SLC35F4: variants seen among roughly 807,000 people sequenced by gnomAD.
SLC35F4 encodes solute carrier family 35 member F4, also known as chromosome 14 open reading frame 36.
A neutral mutation model predicts 44.2 loss-of-function variants in SLC35F4; 24 were observed. That is an observed-to-expected ratio of 0.54 (90% confidence interval 0.39 to 0.76). SLC35F4 has a LOEUF of 0.76. SLC35F4 is among the 30% of genes least tolerant of loss of function. The pLI is 0.00. For missense variants in SLC35F4, 562 were observed against 586.1 expected (o/e 0.96, Z 0.42); for synonymous variants, 238 against 223.6 (o/e 1.06, Z -0.57).
At chr14:57,695,220 A>G (rs1419876925) in intron 1 of SLC35F4, among the ~76,000 whole-genome samples, 1 of 152,226 alleles carries the variant, frequency 6.6e-6, no homozygotes, top group Non-Finnish European at 1.5e-5. Flanking sequence ...AACTATCATC[A>G]GAATCAACTG....
At chr14:57,629,842 C>T (rs1416798281) in intron 1 of SLC35F4, 7 of 332,840 alleles carry the variant, frequency 2.1e-5, no homozygotes, top group Admixed American at 7.7e-5. Context: ...GATCGGCAGC[C>T]GGAGATGCAG....
At chr14:57,886,545 C>A (rs1045080808) in intron 1 of SLC35F4, among the ~76,000 whole-genome samples, 12 of 152,110 alleles carry the variant, frequency 7.9e-5, no homozygotes, top group Admixed American at 2.6e-4. Flanking sequence ...GCAGGAAAGG[C>A]ATAGAAAGAA....
intron 1 of SLC35F4, among the ~76,000 whole-genome samples, chr14:57,617,090 C>A (rs1382810376): frequency 7.3e-5 from 11 of 150,346 alleles, no homozygotes; most frequent in South Asian, 6.3e-4. Context: ...ATAGGGAAAC[C>A]CCATATTGGA....
chr14:57,950,764 G>A (rs1053264713), intron 1 of SLC35F4, among the ~76,000 whole-genome samples: 7 of 148,322 alleles, frequency 4.7e-5, no homozygotes, highest in East Asian at 4.1e-4. Flanking sequence ...TCCCACCCAG[G>A]TTAAAGCAAT....
intron 1 of SLC35F4, among the ~76,000 whole-genome samples, chr14:57,776,745 A>G (rs1429866882): frequency 6.6e-6 from 1 of 152,072 alleles, no homozygotes; most frequent in Non-Finnish European, 1.5e-5. Context: ...TAAGACTAAC[A>G]GTGGATTTCT....
rs369944706 is a variant in SLC35F4 at position 57,866,071 on chromosome 14, C to T, written c.-246G>A. 5 of 262,258 alleles carry T rather than the reference C, an allele frequency of 1.9e-5. No homozygotes were observed. Among genetic ancestry groups the T allele is most frequent in the East Asian group, 1.5e-4 (2 of 12,912 alleles). 16.2% of individuals were successfully genotyped at this position (262,258 alleles called of 1,614,324 possible). A position where few individuals can be genotyped will look rare whatever the true frequency, so the allele number is the denominator to read the frequency against. On this transcript the variant is annotated 5_prime_UTR_variant, in exon 1 of 8. The change creates a new upstream start codon in the 5' untranslated region. Coordinates refer to ENST00000556826, the MANE Select transcript of SLC35F4 (RefSeq NM_001306087.2). ...AGCCTGGCAGCTCTCCCGCGCGCCA[C>T]CCGGAGCACTGCTGCCCGAATAGCG...
intron 1 of SLC35F4, among the ~76,000 whole-genome samples, chr14:57,836,726 C>T (rs866758580): frequency 6.6e-6 from 1 of 152,170 alleles, no homozygotes; most frequent in Middle Eastern, 3.4e-3. Flanking sequence ...CTTTGTACTC[C>T]CCTAAGCACC....
At chr14:57,762,347 T>C (rs2077144083) in intron 1 of SLC35F4, among the ~76,000 whole-genome samples, 1 of 152,120 alleles carries the variant, frequency 6.6e-6, no homozygotes, top group Non-Finnish European at 1.5e-5. Context: ...GTACAAGACT[T>C]GGACAAGAAG....
At chr14:57,842,816 A>G (rs1467952938) in intron 1 of SLC35F4, among the ~76,000 whole-genome samples, 2 of 152,186 alleles carry the variant, frequency 1.3e-5, no homozygotes, top group Non-Finnish European at 2.9e-5. Context: ...GGTGTTGCCA[A>G]AGATGATTAA....
intron 1 of SLC35F4, among the ~76,000 whole-genome samples, chr14:57,798,624 C>G (rs2078111588): frequency 6.6e-6 from 1 of 152,214 alleles, no homozygotes; most frequent in Non-Finnish European, 1.5e-5. Context: ...CACACACCTG[C>G]TGAAGAGACA....
intron 1 of SLC35F4, among the ~76,000 whole-genome samples, chr14:57,720,314 C>G (rs2076052186): frequency 6.6e-6 from 1 of 151,988 alleles, no homozygotes; most frequent in South Asian, 2.1e-4. Context: ...GTGCCTTTGT[C>G]TGATTTTGTT....
intron 1 of SLC35F4, among the ~76,000 whole-genome samples, chr14:57,907,453 C>A (rs1182922862): frequency 1.3e-5 from 2 of 152,106 alleles, no homozygotes; most frequent in African/African-American, 4.8e-5. Context: ...ACTTCAGTTG[C>A]CAGGAAAACA....
intron 1 of SLC35F4, among the ~76,000 whole-genome samples, chr14:57,646,160 C>T (rs550756122): frequency 9.2e-5 from 14 of 152,152 alleles, no homozygotes; most frequent in African/African-American, 2.9e-4. Context: ...GAAGGATTCC[C>T]TCTTTTTCTA....
chr14:57,700,471 T>G (rs1957695), intron 1 of SLC35F4, among the ~76,000 whole-genome samples: 85,833 of 152,060 alleles, frequency 0.56, 24,633 homozygotes, highest in African/African-American at 0.68. Context: ...TTTAAGCTAC[T>G]CTACATTTAT....
Position 57,600,713 on chromosome 14 carries a change from A to C in SLC35F4, c.104-6589T>G, listed in dbSNP as rs190943225. 4.9e-3 allele frequency among the ~76,000 whole-genome samples: 598 copies of C among 122,294 alleles called. 28 individuals carry two copies. The highest frequency in any genetic ancestry group is 0.024 in the Middle Eastern group (5 of 212). 80.2% of individuals were successfully genotyped at this position (122,294 alleles called of 152,430 possible). A position where few individuals can be genotyped will look rare whatever the true frequency, so the allele number is the denominator to read the frequency against. On this transcript the variant is annotated intron_variant, in intron 1 of 7. Coordinates refer to ENST00000556826, the MANE Select transcript of SLC35F4 (RefSeq NM_001306087.2). ...TCTCAAAAAAAAAAAAAAAAAAAAA[A>C]AAAAAACCAAAAAGATAAAATATCA...
intron 1 of SLC35F4, among the ~76,000 whole-genome samples, chr14:57,876,690 T>A (rs1270767596): frequency 6.6e-6 from 1 of 152,170 alleles, no homozygotes; most frequent in Admixed American, 6.5e-5. Context: ...TTTTGCTTAA[T>A]AAGTGAAGAA....
At chr14:57,855,913 A>C (rs1887037859) in intron 1 of SLC35F4, among the ~76,000 whole-genome samples, 1 of 150,862 alleles carries the variant, frequency 6.6e-6, no homozygotes, top group South Asian at 2.1e-4. Context: ...GCTGGAAACT[A>C]TCATTCTCAG....
chr14:57,958,206 C>T (rs1407655437), intron 1 of SLC35F4, among the ~76,000 whole-genome samples: 3 of 151,994 alleles, frequency 2.0e-5, no homozygotes, highest in Non-Finnish European at 4.4e-5. Flanking sequence ...TACAGGCGCC[C>T]GCCACCACGC....
intron 1 of SLC35F4, among the ~76,000 whole-genome samples, chr14:57,665,058 C>T (rs1323971224): frequency 6.6e-6 from 1 of 152,022 alleles, no homozygotes; most frequent in Non-Finnish European, 1.5e-5. Context: ...ATTCTAGGGA[C>T]CCTCTTCCAT....
Sources: gnomAD v4.1 joint callset for allele counts (sites outside exome capture counted in the v4.1 genomes callset) on GRCh38, gnomAD v4.1.1 for gene constraint, MANE v1.5 for transcripts, NCBI Gene and HGNC (gene_info 2026-07-23, HGNC 2026-07-21) for gene names.